The following AOPEP variants were observed in gnomAD, a reference collection of about 807,000 sequenced individuals.
AOPEP encodes aminopeptidase O.
A neutral mutation model predicts 98.1 loss-of-function variants in AOPEP; 77 were observed. The observed-to-expected ratio is 0.78, with a 90% CI of 0.65 to 0.95. The LOEUF is 0.95. Among genes scored for constraint, AOPEP ranks in the 40% least tolerant of loss-of-function variants. AOPEP has a pLI of 0.00. For synonymous variants in AOPEP, 346 were observed against 365.3 expected (o/e 0.95, Z 0.60); for missense variants, 1,024 against 1,024.7 (o/e 1.00, Z 0.01).
intron 1 of AOPEP, among the ~76,000 whole-genome samples, chr9:94,752,675 T>C (rs983125027): frequency 6.6e-6 from 1 of 152,182 alleles, no homozygotes; most frequent in Non-Finnish European, 1.5e-5. Context: ...AAAAGGAAAT[T>C]GTGGCAGATT....
intron 13 of AOPEP, among the ~76,000 whole-genome samples, chr9:95,038,164 GGTGAA>G (rs1182554469): frequency 6.6e-6 from 1 of 152,062 alleles, no homozygotes. Context: ...TTTTAAGCAA[GGTGAA>G]AAACAAAAAA....
intron 13 of AOPEP, among the ~76,000 whole-genome samples, chr9:95,042,335 A>AATAC (rs1554813760): frequency 1.2e-4 from 4 of 34,268 alleles, no homozygotes; most frequent in African/African-American, 1.9e-4. Flanking sequence ...TAAATAAATA[A>AATAC]ATAAATACAT....
intron 13 of AOPEP, among the ~76,000 whole-genome samples, chr9:95,052,443 G>A (rs954023434): frequency 4.5e-4 from 69 of 152,276 alleles, no homozygotes; most frequent in African/African-American, 1.7e-3. Flanking sequence ...TAAGAGCTGA[G>A]TTTTTTCCCC....
chr9:95,044,499 G>A (rs367974171), intron 13 of AOPEP, among the ~76,000 whole-genome samples: 92 of 152,188 alleles, frequency 6.0e-4, no homozygotes, highest in Non-Finnish European at 1.2e-3. Context: ...GCAGAATAGC[G>A]TAACAGCCCA....
the AOPEP span, among the ~76,000 whole-genome samples, chr9:95,120,714 C>T: frequency 1.2e-4 from 19 of 152,162 alleles, no homozygotes; most frequent in South Asian, 2.1e-4. Context: ...AGGCATGAGC[C>T]GCCGTGCCCA....
chr9:94,742,658 C>T (rs1833420827), intron 1 of AOPEP, among the ~76,000 whole-genome samples: 1 of 152,062 alleles, frequency 6.6e-6, no homozygotes, highest in Non-Finnish European at 1.5e-5. Context: ...TGGTCTTGAT[C>T]TCCTGACCAC....
intron 9 of AOPEP, among the ~76,000 whole-genome samples, chr9:94,963,500 T>C (rs1039711615): frequency 4.6e-5 from 7 of 152,126 alleles, no homozygotes; most frequent in Non-Finnish European, 1.0e-4. Flanking sequence ...TCTAAAGGAA[T>C]GTATTTTCTG....
intron 14 of AOPEP, among the ~76,000 whole-genome samples, chr9:95,078,744 T>A (rs1285415372): frequency 1.3e-5 from 2 of 152,354 alleles, no homozygotes; most frequent in Admixed American, 1.3e-4. Flanking sequence ...ATGACACCTC[T>A]GCTGGTGTGT....
At chr9:94,983,058 C>T (rs990936693) in intron 11 of AOPEP, among the ~76,000 whole-genome samples, 1 of 151,966 alleles carries the variant, frequency 6.6e-6, no homozygotes, top group Non-Finnish European at 1.5e-5. Flanking sequence ...GACAGAGTCT[C>T]GCTTTGTCAC....
chr9:94,819,946 CTTT>C (rs11423201), intron 5 of AOPEP, among the ~76,000 whole-genome samples: 3 of 121,576 alleles, frequency 2.5e-5, no homozygotes, highest in Non-Finnish European at 1.6e-5. Context: ...TAGTGCAATT[CTTT>C]TTTTTTTTTT....
chr9:94,956,130 G>A lies in AOPEP; in HGVS notation c.1872+115G>A, dbSNP rs549592076. ...GAAAAGGTTTCCCATTTAATGCAGT[G>A]GGAAAAATAGGAAGTTAATGAAATG... On this transcript the variant is annotated intron_variant, in intron 9 of 16. Transcript: ENST00000375315. The A allele has an allele frequency of 1.4e-4, 88 of 618,088 alleles. No homozygotes were observed. In the African/African-American group the frequency reaches 1.5e-3, roughly 10 times the overall value. The allele number at this position is 618,088 out of a possible 1,614,324, so 38.3% of individuals were successfully genotyped here. A position where few individuals can be genotyped will look rare whatever the true frequency, so the allele number is the denominator to read the frequency against.
the AOPEP span, chr9:95,110,154 G>C: frequency 1.4e-6 from 1 of 728,162 alleles, no homozygotes; most frequent in Non-Finnish European, 1.7e-6. Context: ...AACTACGCAA[G>C]GGTTTTATTT....
chr9:94,872,414 G>C (rs2046452415), intron 5 of AOPEP, among the ~76,000 whole-genome samples: 1 of 152,104 alleles, frequency 6.6e-6, no homozygotes, highest in Non-Finnish European at 1.5e-5. Flanking sequence ...CCCAAACCCG[G>C]GGCTCATGAG....
intron 13 of AOPEP, among the ~76,000 whole-genome samples, chr9:95,008,324 G>A (rs534890781): frequency 1.3e-5 from 2 of 152,070 alleles, no homozygotes; most frequent in Non-Finnish European, 2.9e-5. Context: ...TTTTTCCTCC[G>A]ATAGGAGGGG....
intron 5 of AOPEP, among the ~76,000 whole-genome samples, chr9:94,911,999 A>G (rs1364627624): frequency 1.3e-5 from 2 of 152,216 alleles, no homozygotes; most frequent in East Asian, 3.8e-4. Context: ...TGCCCCTTCC[A>G]GTCAACCACA....
At chr9:95,050,330 G>A (rs1453203685) in intron 13 of AOPEP, among the ~76,000 whole-genome samples, 2 of 152,106 alleles carry the variant, frequency 1.3e-5, no homozygotes, top group Admixed American at 1.3e-4. Flanking sequence ...TTTATTTTCA[G>A]TAGCATGAAT....
chr9:95,093,899 G>A, the AOPEP span, among the ~76,000 whole-genome samples: 1 of 152,188 alleles, frequency 6.6e-6, no homozygotes, highest in Non-Finnish European at 1.5e-5. Context: ...ACATTATTCG[G>A]CCTCTCTGTG....
At chr9:94,950,099 C>T (rs1038258505) in intron 7 of AOPEP, among the ~76,000 whole-genome samples, 14 of 152,292 alleles carry the variant, frequency 9.2e-5, no homozygotes, top group African/African-American at 3.4e-4. Context: ...TAGGTTTAGA[C>T]TCCCAAGAAA....
chr9:94,837,032 G>A (rs1372622784), intron 5 of AOPEP, among the ~76,000 whole-genome samples: 2 of 152,124 alleles, frequency 1.3e-5, no homozygotes, highest in African/African-American at 4.8e-5. Context: ...AAGAAAAGAA[G>A]AGAGAAGATC....
Sources: gnomAD v4.1 joint callset for allele counts (sites outside exome capture counted in the v4.1 genomes callset) on GRCh38, gnomAD v4.1.1 for gene constraint, MANE v1.5 for transcripts, NCBI Gene and HGNC (gene_info 2026-07-23, HGNC 2026-07-21) for gene names.